GRIN2B: variants seen among roughly 807,000 people sequenced by gnomAD.
The protein encoded by GRIN2B is glutamate receptor ionotropic, NMDA 2B.
A neutral mutation model predicts 114.5 loss-of-function variants in GRIN2B; 5 were observed. The ratio of observed to expected loss-of-function variants is 0.04; its 90% CI spans 0.02 to 0.09. GRIN2B has a LOEUF of 0.09. Among genes scored for constraint, GRIN2B ranks in the 10% least tolerant of loss-of-function variants. The probability of loss-of-function intolerance (pLI) is 1.00; values close to 1 mark genes in which losing one functional copy is unlikely to be tolerated. For synonymous variants in GRIN2B, 787 were observed against 745.1 expected, an observed-to-expected ratio of 1.06 and a Z score of -0.92; for missense variants, 1,108 against 1,943.5, an observed-to-expected ratio of 0.57 and a Z score of 8.08.
chr12:13,661,649 A>C (rs1474377122), intron 5 of GRIN2B, among the ~76,000 whole-genome samples: 2 of 152,192 alleles, frequency 1.3e-5, no homozygotes, highest in African/African-American at 4.8e-5. Flanking sequence ...TAGGAGTTGC[A>C]AACTCCAGTG....
chr12:13,724,293 C>T (rs1424840223), intron 4 of GRIN2B, among the ~76,000 whole-genome samples: 2 of 152,078 alleles, frequency 1.3e-5, no homozygotes, highest in Non-Finnish European at 2.9e-5. Flanking sequence ...AGTTTACATA[C>T]TGAAGGAATT....
intron 2 of GRIN2B, among the ~76,000 whole-genome samples, chr12:13,866,739 T>C (rs1230600928): frequency 6.6e-6 from 1 of 152,220 alleles, no homozygotes. Flanking sequence ...TTTGCCTCAA[T>C]GAGGACAACA....
intron 3 of GRIN2B, among the ~76,000 whole-genome samples, chr12:13,814,770 A>G (rs935689684): frequency 6.6e-6 from 1 of 152,190 alleles, no homozygotes; most frequent in Non-Finnish European, 1.5e-5. Flanking sequence ...CTGAGAATTT[A>G]ATTTTAAATT....
At chr12:13,710,343 G>T (rs1016867622) in intron 4 of GRIN2B, among the ~76,000 whole-genome samples, 1 of 151,952 alleles carries the variant, frequency 6.6e-6, no homozygotes, top group Non-Finnish European at 1.5e-5. Context: ...CTCTCTCACC[G>T]CTCCTATTCA....
chr12:13,547,951 A>ATGTGTGTG lies in GRIN2B; in HGVS notation c.*14824_*14831dup, dbSNP rs974791649. ...GTTATGTATATGTATGTATGTATGT[A>ATGTGTGTG]TGTGTGTGTATATATATATATATAT... On this transcript the variant is annotated 3_prime_UTR_variant, in exon 14 of 14. Transcript: ENST00000609686. 1 of 99,018 alleles carries ATGTGTGTG rather than the reference A, an allele frequency of 1.0e-5. No individual in the cohort carries two copies. Among genetic ancestry groups the ATGTGTGTG allele is most frequent in the African/African-American group, 3.4e-5 (1 of 29,170 alleles). 6.1% of individuals were successfully genotyped at this position (99,018 alleles called of 1,614,324 possible). A position where few individuals can be genotyped will look rare whatever the true frequency, so the allele number is the denominator to read the frequency against.
intron 5 of GRIN2B, among the ~76,000 whole-genome samples, chr12:13,659,712 A>G (rs1346304729): frequency 6.6e-6 from 1 of 152,116 alleles, no homozygotes; most frequent in African/African-American, 2.4e-5. Flanking sequence ...CCTCACTTCC[A>G]ATATTACTCA....
chr12:13,684,115 T>C (rs1950156147), intron 4 of GRIN2B, among the ~76,000 whole-genome samples: 2 of 152,164 alleles, frequency 1.3e-5, no homozygotes, highest in South Asian at 4.2e-4. Flanking sequence ...TTACTATGAT[T>C]AGTTACCCCT....
At chr12:13,690,666 G>A (rs939859535) in intron 4 of GRIN2B, among the ~76,000 whole-genome samples, 15 of 151,994 alleles carry the variant, frequency 9.9e-5, no homozygotes, top group Admixed American at 2.0e-4. Flanking sequence ...ATGGTATTGT[G>A]CCCTTGGAGA....
At chr12:13,883,647 C>G (rs1866102259) in intron 2 of GRIN2B, among the ~76,000 whole-genome samples, 1 of 151,354 alleles carries the variant, frequency 6.6e-6, no homozygotes, top group Admixed American at 6.6e-5. Context: ...ATTGAGTTTT[C>G]TTGCTATTGA....
Position 13,776,728 on chromosome 12 carries a change from A to G in GRIN2B, c.412-22813T>C, listed in dbSNP as rs546138044. On this transcript the variant is annotated intron_variant, in intron 3 of 13. Transcript: ENST00000609686. ...AGCGGAGACAAGAGAATAAGCAGAA[A>G]ACCTTTCAGATAAAAAGATGAATAT... Among the ~76,000 whole-genome samples, 22 of 152,288 alleles carry G rather than the reference A, an allele frequency of 1.4e-4. No homozygotes were observed. In the South Asian group the frequency reaches 4.6e-3, roughly 32 times the overall value.
At position 13,615,439 on chromosome 12, in the gene GRIN2B, G is replaced by T; in HGVS notation, c.1500+54C>A. On this transcript the variant is annotated intron_variant, in intron 7 of 13. Coordinates refer to ENST00000609686, the MANE Select transcript of GRIN2B (RefSeq NM_000834.5). This position sits in a 1 kb window ranked among gnomAD's most constrained non-coding sequence, Gnocchi z 5.8. ...TGAGCACGTTTTAAACTTATATTTA[G>T]AAGAAGGAAAATAAATGAAAATGGA... The T allele has an allele frequency of 6.6e-7, 1 of 1,522,790 alleles. No homozygotes were observed. The highest frequency in any genetic ancestry group is 1.1e-5 in the South Asian group (1 of 89,224). The allele number at this position is 1,522,790 out of a possible 1,614,324, so 94.3% of individuals were successfully genotyped here.
chr12:13,947,355 C>T (rs991209339), intron 2 of GRIN2B, among the ~76,000 whole-genome samples: 2 of 152,192 alleles, frequency 1.3e-5, no homozygotes, highest in Admixed American at 6.5e-5. Context: ...ATGTAGGCTG[C>T]ATGTTGCTTT....
chr12:13,840,593 A>T (rs1591761549), intron 3 of GRIN2B, among the ~76,000 whole-genome samples: 1 of 152,210 alleles, frequency 6.6e-6, no homozygotes, highest in Non-Finnish European at 1.5e-5. Context: ...GTCATATGTT[A>T]ATTAATATAA....
chr12:13,793,695 G>A (rs1446318405), intron 3 of GRIN2B, among the ~76,000 whole-genome samples: 1 of 152,132 alleles, frequency 6.6e-6, no homozygotes, highest in Non-Finnish European at 1.5e-5. Flanking sequence ...GTTTAGAAAG[G>A]CCTTTCTGGC....
chr12:13,545,805 T>G lies in GRIN2B; in HGVS notation c.*16978A>C, dbSNP rs533501255. ...TAGTGAAATACACAGACGCTGAATATTTGGGAGGATTACTTAACGTTTTAG... is the reference window on the plus strand; with the variant it reads ...TAGTGAAATACACAGACGCTGAATAGTTGGGAGGATTACTTAACGTTTTAG... On this transcript the variant is annotated 3_prime_UTR_variant, in exon 14 of 14. Coordinates refer to ENST00000609686, the MANE Select transcript of GRIN2B (RefSeq NM_000834.5). The G allele has an allele frequency of 6.6e-6, 1 of 152,332 alleles. No individual in the cohort carries two copies. The highest frequency in any genetic ancestry group is 2.1e-4 in the South Asian group (1 of 4,828). The allele number at this position is 152,332 out of a possible 1,614,324, so 9.4% of individuals were successfully genotyped here.
chr12:13,962,724 G>A (rs975600289), intron 2 of GRIN2B, among the ~76,000 whole-genome samples: 5 of 152,204 alleles, frequency 3.3e-5, no homozygotes, highest in Admixed American at 6.5e-5. Flanking sequence ...GCAGGCGGGC[G>A]GGCGGGCTGA....
At chr12:13,837,560 A>G (rs973149593) in intron 3 of GRIN2B, among the ~76,000 whole-genome samples, 2 of 152,218 alleles carry the variant, frequency 1.3e-5, no homozygotes, top group African/African-American at 4.8e-5. Context: ...CATGGCTGGC[A>G]TTATTCCTGT....
At position 13,552,158 on chromosome 12, in the gene GRIN2B, A is replaced by T. The variant is rs1198935651; in HGVS notation, c.*10625T>A. 2 of 152,124 alleles carry T rather than the reference A, an allele frequency of 1.3e-5. No individual in the cohort carries two copies. Among genetic ancestry groups the T allele is most frequent in the African/African-American group, 4.8e-5 (2 of 41,414 alleles). 9.4% of individuals were successfully genotyped at this position (152,124 alleles called of 1,614,324 possible). On this transcript the variant is annotated 3_prime_UTR_variant, in exon 14 of 14. Coordinates refer to ENST00000609686, the MANE Select transcript of GRIN2B (RefSeq NM_000834.5). ...GCCTGGTGGCCTAAATTCTGTGGGT[A>T]AGGGTGGTGTGATAAGTCACTCCCT... is the stretch of plus-strand genomic sequence containing the variant.
chr12:13,859,527 T>G (rs1220845136), intron 3 of GRIN2B, among the ~76,000 whole-genome samples: 2 of 152,220 alleles, frequency 1.3e-5, no homozygotes, highest in African/African-American at 2.4e-5. Context: ...GAGCACTGCC[T>G]ACCCATCTTT....
Sources: gnomAD v4.1 joint callset for allele counts (sites outside exome capture counted in the v4.1 genomes callset) on GRCh38, gnomAD v4.1.1 for gene constraint, Gnocchi (gnomAD v3.1) non-coding constraint, MANE v1.5 for transcripts, NCBI Gene and HGNC (gene_info 2026-07-23, HGNC 2026-07-21) for gene names.